The following RTN4R variants were observed in gnomAD, a reference collection of about 807,000 sequenced individuals.
RTN4R encodes the protein reticulon 4 receptor, also known as reticulon-4 receptor.
A neutral mutation model predicts 27.7 loss-of-function variants in RTN4R; 4 were observed. The observed-to-expected ratio is 0.14, with a 90% confidence interval of 0.07 to 0.33. The LOEUF (loss-of-function observed/expected upper bound fraction) is 0.33, where lower values mean the gene tolerates loss of function less well. Ranked by LOEUF, RTN4R falls within the 10% of genes least tolerant of loss-of-function variation. The probability of loss-of-function intolerance (pLI) is 1.00; values close to 1 mark genes in which losing one functional copy is unlikely to be tolerated. For synonymous variants in RTN4R, 290 were observed against 305.6 expected (o/e 0.95, Z 0.53); for missense variants, 554 against 671.5 (o/e 0.83, Z 1.93).
intron 1 of RTN4R, among the ~76,000 whole-genome samples, chr22:20,254,101 G>T (rs758435894): frequency 3.3e-5 from 5 of 152,108 alleles, no homozygotes; most frequent in African/African-American, 4.8e-5. Flanking sequence ...GTCAAGGGAA[G>T]TCTGAAGCTC....
intron 1 of RTN4R, among the ~76,000 whole-genome samples, chr22:20,254,999 C>G (rs116561438): frequency 0.013 from 1,994 of 152,294 alleles, 49 homozygotes; most frequent in African/African-American, 0.046. Flanking sequence ...CTGATGGCAG[C>G]GAGACAGCCA....
Position 20,242,063 on chromosome 22 carries a change from T to C in RTN4R, c.1070A>G (p.Asn357Ser), listed in dbSNP as rs1166493795. The C allele has an allele frequency of 6.2e-7, 1 of 1,612,538 alleles. No individual in the cohort carries two copies. The highest frequency in any genetic ancestry group is 1.7e-5 in the Admixed American group (1 of 60,008). ...LEPGRPASAG[N>S]ALKGRVPPGD... ...GGGCGGCACGCGTCCCTTCAGCGCA[T>C]TGCCTGCCGAAGCTGGTCTTCCAGG... The change falls in exon 2 of 2, where the codon AAT becomes AGT. Residue 357 changes from asparagine (N) to serine (S), a missense_variant. This residue lies in a region of RTN4R where 413 missense variants were observed against 542.3 expected (regional missense o/e 0.76). Coordinates refer to ENST00000043402, the MANE Select transcript of RTN4R (RefSeq NM_023004.6).
rs2051292832 is a variant in RTN4R, at chr22:20,268,303, G to T, written c.-211C>A. 2.1e-4 allele frequency: 30 copies of T among 144,984 alleles called. No homozygotes were observed. The highest frequency in any genetic ancestry group is 3.2e-4 in the Non-Finnish European group (21 of 65,020). 9.0% of individuals were successfully genotyped at this position (144,984 alleles called of 1,614,324 possible). A position where few individuals can be genotyped will look rare whatever the true frequency, so the allele number is the denominator to read the frequency against. On this transcript the variant is annotated 5_prime_UTR_variant, in exon 1 of 2. Coordinates refer to ENST00000043402, the MANE Select transcript of RTN4R (RefSeq NM_023004.6). Reference sequence around the variant, plus strand: ...CGCGCAGGGCGCACAGGGCGAGGGCGGCGGCGGCGCGGGGGTTGGGGCGTG... The same window carrying T: ...CGCGCAGGGCGCACAGGGCGAGGGCTGCGGCGGCGCGGGGGTTGGGGCGTG...
chr22:20,246,679 C>T (rs2051143366), intron 1 of RTN4R, among the ~76,000 whole-genome samples: 1 of 152,208 alleles, frequency 6.6e-6, no homozygotes, highest in Non-Finnish European at 1.5e-5. Context: ...GCCCCGCCCA[C>T]CTCCGTGCCC....
chr22:20,252,979 G>T (rs2051192990), intron 1 of RTN4R, among the ~76,000 whole-genome samples: 1 of 152,126 alleles, frequency 6.6e-6, no homozygotes, highest in African/African-American at 2.4e-5. Context: ...GCCTGCCAAT[G>T]TGACCTGGGT....
chr22:20,242,775 A>C lies in RTN4R; in HGVS notation c.358T>G (p.Ser120Ala). ...CCGTGGAATGTGGCAGGGTCCACAG[A>C]CCGGAGCTGTGCATTATCGCTGAGG... ...LDLSDNAQLR[S>A]VDPATFHGLG... Residue 120 changes from serine (S) to alanine (A), a missense_variant, in exon 2 of 2, where the codon TCT becomes GCT. Ser to Ala is a moderately conservative substitution (Grantham distance 99). This residue lies in a region of RTN4R where 413 missense variants were observed against 542.3 expected (regional missense o/e 0.76). Coordinates refer to ENST00000043402, the MANE Select transcript of RTN4R (RefSeq NM_023004.6). 6.2e-7 allele frequency: 1 copy of C among 1,612,806 alleles called. No homozygotes were observed. The highest frequency in any genetic ancestry group is 1.1e-5 in the South Asian group (1 of 91,076).
In RTN4R at chr22:20,245,030, G is replaced by A. The variant is rs946131498; in HGVS notation, c.23-1920C>T. Among the ~76,000 whole-genome samples, 7 of 152,188 alleles carry A rather than the reference G, an allele frequency of 4.6e-5. No individual in the cohort carries two copies. The South Asian group carries it at 1.2e-3, about 27-fold the overall frequency. ...GGCTGTGAGTCTGGCTGTGGTCAGG[G>A]CTCAGCTCACTCGCCTTGAACCGAG... is the stretch of plus-strand genomic sequence containing the variant. On this transcript the variant is annotated intron_variant, in intron 1 of 1. Transcript: ENST00000043402.
At chr22:20,256,092 G>C (rs1449739965) in intron 1 of RTN4R, among the ~76,000 whole-genome samples, 1 of 152,206 alleles carries the variant, frequency 6.6e-6, no homozygotes, top group Admixed American at 6.5e-5. Context: ...CTTGGAAAAC[G>C]AGGTCAGTGT....
intron 1 of RTN4R, chr22:20,243,672 C>A (rs754009149): frequency 5.1e-6 from 2 of 395,878 alleles, no homozygotes; most frequent in Non-Finnish European, 1.0e-5. Flanking sequence ...GCAGCCTGCT[C>A]CCTCCTCCAC....
At chr22:20,249,192 A>G (rs2051160470) in intron 1 of RTN4R, 1 of 534,250 alleles carries the variant, frequency 1.9e-6, no homozygotes, top group Non-Finnish European at 3.8e-6. Context: ...AGCCAGAGCA[A>G]GCTGAGTCCC....
Position 20,255,927 on chromosome 22 carries a change from G to A in RTN4R, c.22+12144C>T, listed in dbSNP as rs560797725. Among the ~76,000 whole-genome samples the A allele has an allele frequency of 4.6e-5, 7 of 152,376 alleles. No individual in the cohort carries two copies. In the South Asian group the frequency reaches 1.4e-3, roughly 32 times the overall value. ...ACCAAACCGAGGCACGCACGCAGCG[G>A]CGACGTGAATAAGTAATTGCTCTTT... On this transcript the variant is annotated intron_variant, in intron 1 of 1. Transcript: ENST00000043402. The surrounding 1 kb of genome is among the most constrained non-coding windows in gnomAD (Gnocchi z 4.8).
chr22:20,243,296 T>C (rs2051120719), intron 1 of RTN4R, 186 bp from the exon 2 acceptor site: 1 of 687,906 alleles, frequency 1.5e-6, no homozygotes, highest in African/African-American at 1.8e-5. Flanking sequence ...TCATGGACGA[T>C]GCTGGGCTAG....
rs1260109616 is a variant in RTN4R at position 20,247,577 on chromosome 22, T to A, written c.23-4467A>T. Among the ~76,000 whole-genome samples, 3 of 148,560 alleles carry A rather than the reference T, an allele frequency of 2.0e-5. No individual in the cohort carries two copies. In the Admixed American group the frequency reaches 2.0e-4, roughly 10 times the overall value. On this transcript the variant is annotated intron_variant, in intron 1 of 1. Coordinates refer to ENST00000043402, the MANE Select transcript of RTN4R (RefSeq NM_023004.6). ...CAGACACGTGCAGGGGCAGCCAGAA[T>A]TCCCATGGTGTTTCCTGTGCCCTTC...
At position 20,261,051 on chromosome 22, in the gene RTN4R, C is replaced by T. The variant is rs946512045; in HGVS notation, c.22+7020G>A. Among the ~76,000 whole-genome samples the T allele has an allele frequency of 6.6e-5, 10 of 152,300 alleles. No homozygotes were observed. In the East Asian group the frequency reaches 7.7e-4, roughly 12 times the overall value. Reference sequence around the variant, plus strand: ...CTAACGTGTCTCTCAGGATGTCCTACGAGGACCCTCACGGCAGAAGGACCG... The same window carrying T: ...CTAACGTGTCTCTCAGGATGTCCTATGAGGACCCTCACGGCAGAAGGACCG... On this transcript the variant is annotated intron_variant, in intron 1 of 1. Transcript: ENST00000043402.
chr22:20,242,324 G>A lies in RTN4R; in HGVS notation c.809C>T (p.Pro270Leu). The A allele has an allele frequency of 1.9e-6, 3 of 1,610,152 alleles. No individual in the cohort carries two copies. The highest frequency in any genetic ancestry group is 2.5e-6 in the Non-Finnish European group (3 of 1,178,994). ...GAACTTCTGCAGCCAGGCCCAGAGT[G>A]GGCGTGCCCGGCAGTCACACACCCA... Reference protein sequence around the residue: ...NPWVCDCRARPLWAWLQKFRG... With the variant: ...NPWVCDCRARLLWAWLQKFRG... Residue 270 changes from proline (P) to leucine (L), a missense_variant, in exon 2 of 2, where the codon CCA (proline) becomes CTA (leucine). Pro to Leu is a moderately conservative substitution (Grantham distance 98, BLOSUM62 -3). Transcript: ENST00000043402.
chr22:20,258,786 C>T (rs1243798283), intron 1 of RTN4R, among the ~76,000 whole-genome samples: 1 of 152,200 alleles, frequency 6.6e-6, no homozygotes, highest in Non-Finnish European at 1.5e-5. Context: ...CCTGAGTACC[C>T]TGCCTCCTGG....
Position 20,241,893 on chromosome 22 carries a change from G to A in RTN4R, c.1240C>T (p.Arg414Cys), listed in dbSNP as rs888970972. The change falls in exon 2 of 2, where the codon CGC becomes TGC. Residue 414 changes from arginine to cysteine, a missense_variant. By Grantham distance (180) the Arg-to-Cys change is radical (BLOSUM62 -3). Transcript: ENST00000043402. ...EPPGFPTSGP[R>C]RRPGCSRKNR... is the part of the protein sequence containing the mutation. The stretch of plus-strand genomic sequence containing the variant: ...TTGCGTGAACAGCCTGGCCTCCGGC[G>A]AGGGCCCGAGGTGGGGAACCCTGGT... 6 of 1,606,104 alleles carry A rather than the reference G, an allele frequency of 3.7e-6. No homozygotes were observed. In the Admixed American group the frequency reaches 5.0e-5, roughly 13 times the overall value.
Position 20,241,498 on chromosome 22 carries a change from G to A in RTN4R, c.*213C>T, listed in dbSNP as rs2051105057. 1 of 597,122 alleles carries A rather than the reference G, an allele frequency of 1.7e-6. No homozygotes were observed. The highest frequency in any genetic ancestry group is 2.9e-5 in the Admixed American group (1 of 33,974). 37.0% of individuals were successfully genotyped at this position (597,122 alleles called of 1,614,324 possible). On this transcript the variant is annotated 3_prime_UTR_variant, in exon 2 of 2. Coordinates refer to ENST00000043402, the MANE Select transcript of RTN4R (RefSeq NM_023004.6). ...TGCATATCTCTATATACCGCGATCT[G>A]GGTGGGAGGCGGCGTTCTGGAACAA...
At chr22:20,243,474 C>T (rs774727993) in intron 1 of RTN4R, 1 of 536,724 alleles carries the variant, frequency 1.9e-6, no homozygotes, top group South Asian at 1.5e-5. Context: ...AACACAGAGC[C>T]CGCATTGCAG....
Sources: gnomAD v4.1 joint callset for allele counts (sites outside exome capture counted in the v4.1 genomes callset) on GRCh38, gnomAD v4.1.1 for gene constraint, gnomAD v4.1.1 regional missense constraint, Gnocchi (gnomAD v3.1) non-coding constraint, MANE v1.5 for transcripts, NCBI Gene and HGNC (gene_info 2026-07-23, HGNC 2026-07-21) for gene names.